THSD4: variants seen among roughly 807,000 people sequenced by gnomAD.
The protein encoded by THSD4 is thrombospondin type-1 domain-containing protein 4.
A neutral mutation model predicts 119.0 loss-of-function variants in THSD4; 69 were observed. That is an observed-to-expected ratio of 0.58 (90% CI 0.48 to 0.71). The LOEUF (loss-of-function observed/expected upper bound fraction) is 0.71, where lower values mean the gene tolerates loss of function less well. Among genes scored for constraint, THSD4 ranks in the 30% least tolerant of loss-of-function variants. The pLI is 0.00. For missense variants in THSD4, 1,393 were observed against 1,391.1 expected, an observed-to-expected ratio of 1.00 and a Z score of -0.02; for synonymous variants, 524 against 540.4, an observed-to-expected ratio of 0.97 and a Z score of 0.42.
chr15:71,333,905 A>C (rs1343169828), intron 6 of THSD4, among the ~76,000 whole-genome samples: 1 of 151,608 alleles, frequency 6.6e-6, no homozygotes, highest in Non-Finnish European at 1.5e-5. Flanking sequence ...CCCTTTCTCA[A>C]CCTCCCTCTG....
In THSD4 at chr15:71,297,874, T is replaced by G. The variant is rs546948111; in HGVS notation, c.1015+41159T>G. ...ACTGGAACCTTATCAGATATATAAT[T>G]TGCAAACATTTTCCCATTCTGCCAT... On this transcript the variant is annotated intron_variant, in intron 6 of 17. Transcript: ENST00000261862. Among the ~76,000 whole-genome samples, 18 of 152,332 alleles carry G rather than the reference T, an allele frequency of 1.2e-4. 1 individual carries two copies. The South Asian group carries it at 3.5e-3, about 30-fold the overall frequency.
At chr15:71,156,265 T>C (rs536864118) in intron 3 of THSD4, among the ~76,000 whole-genome samples, 54 of 151,932 alleles carry the variant, frequency 3.6e-4, no homozygotes, top group Non-Finnish European at 7.2e-4. Flanking sequence ...GTTTTCTTTT[T>C]TTTTTTTTTG....
chr15:71,748,504 A>G lies in THSD4; in HGVS notation c.2325A>G (p.Glu775=), dbSNP rs751927368. 3.1e-6 allele frequency: 5 copies of G among 1,614,062 alleles called. No individual in the cohort carries two copies. The highest frequency in any genetic ancestry group is 3.3e-5 in the Admixed American group (2 of 60,002). ...TTGGGGATGTGGTTGACGATGAGGA[A>G]TGCAACATGAAGCTCCGGCCGAATG... ...SNIGDVVDDE[E]CNMKLRPNDI... The change falls in exon 14 of 18, where the codon GAA becomes GAG. Residue 775 remains glutamate, a synonymous_variant. Transcript: ENST00000261862.
intron 7 of THSD4, among the ~76,000 whole-genome samples, chr15:71,593,891 A>G (rs1437682577): frequency 6.6e-6 from 1 of 150,624 alleles, no homozygotes; most frequent in Non-Finnish European, 1.5e-5. Flanking sequence ...ACAACAACAC[A>G]AGATCCTGAC....
intron 6 of THSD4, among the ~76,000 whole-genome samples, chr15:71,265,542 C>T (rs374662684): frequency 6.6e-6 from 1 of 152,152 alleles, no homozygotes. Flanking sequence ...TGGGCAGACA[C>T]CAAGCTAGCT....
At position 71,560,325 on chromosome 15, in the gene THSD4, A is replaced by G. The variant is rs561302884; in HGVS notation, c.1153-100205A>G. 8.4e-4 allele frequency among the ~76,000 whole-genome samples: 128 copies of G among 152,336 alleles called. 3 individuals carry two copies. The South Asian group carries it at 0.025, about 30-fold the overall frequency. ...AAACAATTCTGAATTAAATTCAACA[A>G]CCATGTATTGAGTGCTATTTTTTGT... On this transcript the variant is annotated intron_variant, in intron 7 of 17. Coordinates refer to ENST00000261862, the MANE Select transcript of THSD4 (RefSeq NM_024817.3).
At chr15:71,261,492 C>T (rs1487114329) in intron 6 of THSD4, among the ~76,000 whole-genome samples, 1 of 152,128 alleles carries the variant, frequency 6.6e-6, no homozygotes, top group Non-Finnish European at 1.5e-5. Context: ...TTACATCAGT[C>T]CTAGGAAACT....
intron 7 of THSD4, among the ~76,000 whole-genome samples, chr15:71,472,209 G>C (rs963220164): frequency 1.3e-5 from 2 of 152,104 alleles, no homozygotes; most frequent in Non-Finnish European, 2.9e-5. Flanking sequence ...GAGCCACTGC[G>C]CCTGGCCTAG....
chr15:71,428,598 G>T lies in THSD4; in HGVS notation c.1152+16775G>T, dbSNP rs1002669906. On this transcript the variant is annotated intron_variant, in intron 7 of 17. Transcript: ENST00000261862. Reference sequence around the variant, plus strand: ...GGCAAAATTCAGGTCAAACCAAGTAGTTAGAAGCACCACTAATGTAATAGA... The same window carrying T: ...GGCAAAATTCAGGTCAAACCAAGTATTTAGAAGCACCACTAATGTAATAGA... 3.3e-5 allele frequency among the ~76,000 whole-genome samples: 5 copies of T among 152,166 alleles called. No individual in the cohort carries two copies. In the South Asian group the frequency reaches 8.3e-4, roughly 25 times the overall value.
intron 1 of THSD4, among the ~76,000 whole-genome samples, chr15:71,124,840 C>T (rs941358790): frequency 1.3e-5 from 2 of 151,822 alleles, no homozygotes; most frequent in Admixed American, 6.6e-5. Context: ...CCCAGGAGTT[C>T]GAGACCAGCC....
intron 9 of THSD4, 114 bp from the exon 10 acceptor site, chr15:71,731,007 C>A: frequency 1.2e-6 from 1 of 829,736 alleles, no homozygotes; most frequent in South Asian, 1.6e-5. Context: ...TTACTGGATG[C>A]GTACTAGAGT....
At chr15:71,479,229 C>T (rs2140661832) in intron 7 of THSD4, among the ~76,000 whole-genome samples, 1 of 130,720 alleles carries the variant, frequency 7.6e-6, no homozygotes, top group South Asian at 2.6e-4. Context: ...GACTCCCCTA[C>T]CTGAGTAAGG....
intron 1 of THSD4, among the ~76,000 whole-genome samples, chr15:71,097,522 C>T (rs559369486): frequency 1.3e-5 from 2 of 150,854 alleles, no homozygotes; most frequent in South Asian, 2.1e-4. Context: ...GCCAAGATAG[C>T]ACCTCTGCAC....
intron 7 of THSD4, among the ~76,000 whole-genome samples, chr15:71,506,077 G>T (rs2048181326): frequency 6.6e-6 from 1 of 152,168 alleles, no homozygotes; most frequent in African/African-American, 2.4e-5. Flanking sequence ...CTTTCAAAAA[G>T]AATTGATCGT....
chr15:71,265,499 C>A (rs2044453920), intron 6 of THSD4, among the ~76,000 whole-genome samples: 1 of 152,154 alleles, frequency 6.6e-6, no homozygotes, highest in African/African-American at 2.4e-5. Context: ...CCACCAGGGC[C>A]CTGGGTTTCA....
chr15:71,684,870 A>G (rs180739766), intron 8 of THSD4, among the ~76,000 whole-genome samples: 13 of 152,248 alleles, frequency 8.5e-5, no homozygotes, highest in Admixed American at 3.3e-4. Flanking sequence ...TGGCACTAGA[A>G]TATTTTTGGA....
intron 7 of THSD4, among the ~76,000 whole-genome samples, chr15:71,641,518 A>G (rs747149398): frequency 1.3e-5 from 2 of 151,992 alleles, no homozygotes; most frequent in Non-Finnish European, 2.9e-5. Context: ...TTTCCCATTT[A>G]TGATTGACAG....
intron 8 of THSD4, among the ~76,000 whole-genome samples, chr15:71,706,768 TACA>T (rs1385403102): frequency 6.6e-6 from 1 of 152,194 alleles, no homozygotes; most frequent in Admixed American, 6.5e-5. Context: ...ATCTAGCAGC[TACA>T]ACATCTCGCA....
At chr15:71,528,023 C>T (rs62024440) in intron 7 of THSD4, among the ~76,000 whole-genome samples, 4,952 of 152,166 alleles carry the variant, frequency 0.033, 111 homozygotes, top group Non-Finnish European at 0.046. Flanking sequence ...TCAATTTAAA[C>T]TCTTCATGTC....
Sources: allele counts gnomAD v4.1 joint callset (sites outside exome capture counted in the v4.1 genomes callset), GRCh38; gene constraint gnomAD v4.1.1; transcripts MANE v1.5; gene names NCBI Gene and HGNC (gene_info 2026-07-23, HGNC 2026-07-21).